The following GAN variants were observed in gnomAD, a reference collection of about 807,000 sequenced individuals.
GAN encodes the protein epididymis secretory sperm binding protein.
A neutral mutation model predicts 71.3 loss-of-function variants in GAN; 48 were observed. The ratio of observed to expected loss-of-function variants is 0.67; its 90% confidence interval spans 0.53 to 0.86. GAN has a LOEUF of 0.86. Among genes scored for constraint, GAN ranks in the 40% least tolerant of loss-of-function variants. The pLI, the probability that GAN is intolerant of heterozygous loss-of-function variation, is 0.00. For synonymous variants in GAN, 386 were observed against 276.8 expected (o/e 1.39, Z -3.92); for missense variants, 928 against 770.1 (o/e 1.21, Z -2.43).
chr16:81,330,592 A>G (rs1482737102), intron 1 of GAN, among the ~76,000 whole-genome samples: 1 of 152,270 alleles, frequency 6.6e-6, no homozygotes, highest in East Asian at 1.9e-4. Flanking sequence ...AAGAATTTCA[A>G]TTCGTATATG....
At position 81,379,008 on chromosome 16, in the gene GAN, G is replaced by A. The variant is rs902380059; in HGVS notation, c.*1412G>A. The A allele has an allele frequency of 4.0e-5, 6 of 151,390 alleles. No homozygotes were observed. The allele number at this position is 151,390 out of a possible 1,614,324, so 9.4% of individuals were successfully genotyped here. A position where few individuals can be genotyped will look rare whatever the true frequency, so the allele number is the denominator to read the frequency against. ...AAATTTCTAATCAATTTAATATACA[G>A]TACTTCATTTTTAATTGTTTTCTAA... is the stretch of plus-strand genomic sequence containing the variant. On this transcript the variant is annotated 3_prime_UTR_variant, in exon 11 of 11. Transcript: ENST00000648994.
At position 81,379,615 on chromosome 16, in the gene GAN, A is replaced by G. The variant is rs886052347; in HGVS notation, c.*2019A>G. Reference sequence around the variant, plus strand: ...AAGATTTTTCTTTTTACAACTAGATATTAGTTTTAGAGGAAGGAAATAGCT... The same window carrying G: ...AAGATTTTTCTTTTTACAACTAGATGTTAGTTTTAGAGGAAGGAAATAGCT... On this transcript the variant is annotated 3_prime_UTR_variant, in exon 11 of 11. Coordinates refer to ENST00000648994, the MANE Select transcript of GAN (RefSeq NM_022041.4). 7 of 152,212 alleles carry G rather than the reference A, an allele frequency of 4.6e-5. No individual in the cohort carries two copies. Among genetic ancestry groups the G allele is most frequent in the Non-Finnish European group, 7.3e-5 (5 of 68,032 alleles). The allele number at this position is 152,212 out of a possible 1,614,324, so 9.4% of individuals were successfully genotyped here. A position where few individuals can be genotyped will look rare whatever the true frequency, so the allele number is the denominator to read the frequency against.
chr16:81,330,969 G>C (rs1431038264), intron 1 of GAN, among the ~76,000 whole-genome samples: 1 of 152,176 alleles, frequency 6.6e-6, no homozygotes, highest in East Asian at 1.9e-4. Context: ...CAGGTGTGAG[G>C]CTAAAGCAGG....
Position 81,377,278 on chromosome 16 carries a change from G to T in GAN, c.1562G>T (p.Gly521Val). 6.2e-7 allele frequency: 1 copy of T among 1,611,864 alleles called. No individual in the cohort carries two copies. The highest frequency in any genetic ancestry group is 8.5e-7 in the Non-Finnish European group (1 of 1,177,976). The change falls in exon 10 of 11, where the codon GGA becomes GTA. Residue 521 changes from glycine to valine, a missense_variant. By Grantham distance (109) the Gly-to-Val change is moderately radical. Coordinates refer to ENST00000648994, the MANE Select transcript of GAN (RefSeq NM_022041.4). ...CIPASSSFVY[G>V]AVPIGASIYV... ...CCCGCCAGTTCCTCTTTTGTTTATG[G>T]AGCTGTACCTATAGGAGCCAGTATT...
intron 1 of GAN, among the ~76,000 whole-genome samples, chr16:81,345,890 C>T (rs938927558): frequency 2.0e-5 from 3 of 152,222 alleles, no homozygotes; most frequent in South Asian, 2.1e-4. Flanking sequence ...CACCTCAGAT[C>T]ATCAGACATT....
chr16:81,322,121 C>G (rs1039487766), intron 1 of GAN, among the ~76,000 whole-genome samples: 16 of 152,324 alleles, frequency 1.1e-4, no homozygotes, highest in African/African-American at 3.4e-4. Context: ...GCATTCATTT[C>G]TCTCTGGGAA....
chr16:81,369,588 G>T (rs116447651), intron 9 of GAN, among the ~76,000 whole-genome samples: 1,763 of 152,268 alleles, frequency 0.012, 36 homozygotes, highest in African/African-American at 0.04. Flanking sequence ...CATTACTCAT[G>T]GTAGATCTTT....
chr16:81,371,683 GC>G (rs1911041306), intron 9 of GAN, among the ~76,000 whole-genome samples: 1 of 152,120 alleles, frequency 6.6e-6, no homozygotes, highest in Admixed American at 6.5e-5. Context: ...GATCCTGGTT[GC>G]CCCAAGACCC....
At chr16:81,376,366 A>T (rs981285172) in intron 9 of GAN, among the ~76,000 whole-genome samples, 1 of 152,056 alleles carries the variant, frequency 6.6e-6, no homozygotes, top group Non-Finnish European at 1.5e-5. Flanking sequence ...TACGCCTGTT[A>T]TACAGCATTT....
Position 81,367,852 on chromosome 16 carries a change from C to T in GAN, c.1502+2374C>T, listed in dbSNP as rs1364233226. On this transcript the variant is annotated intron_variant, in intron 9 of 10. Coordinates refer to ENST00000648994, the MANE Select transcript of GAN (RefSeq NM_022041.4). Reference sequence around the variant, plus strand: ...ACTCAGGCGTTCTGGCCCCAGAGTCCACCTTTTCAACTACCACGCTAGATT... The same window carrying T: ...ACTCAGGCGTTCTGGCCCCAGAGTCTACCTTTTCAACTACCACGCTAGATT... 8.5e-5 allele frequency among the ~76,000 whole-genome samples: 13 copies of T among 152,272 alleles called. No individual in the cohort carries two copies. In the South Asian group the frequency reaches 2.7e-3, roughly 32 times the overall value.
At chr16:81,373,544 G>A (rs1904274428) in intron 9 of GAN, among the ~76,000 whole-genome samples, 1 of 152,184 alleles carries the variant, frequency 6.6e-6, no homozygotes, top group Non-Finnish European at 1.5e-5. Flanking sequence ...TTCTCCTAGT[G>A]TTAACATCTT....
chr16:81,347,798 A>G (rs1053563091), intron 1 of GAN, among the ~76,000 whole-genome samples: 13 of 152,104 alleles, frequency 8.5e-5, no homozygotes, highest in Non-Finnish European at 4.4e-5. Flanking sequence ...TTTCTTTCTG[A>G]AAGCTTGTAA....
chr16:81,338,055 G>C (rs1567484542), intron 1 of GAN, among the ~76,000 whole-genome samples: 1 of 152,164 alleles, frequency 6.6e-6, no homozygotes, highest in African/African-American at 2.4e-5. Flanking sequence ...AATCTCTTCT[G>C]TTTACAGATC....
At chr16:81,361,958 G>A (rs1364646786) in intron 5 of GAN, among the ~76,000 whole-genome samples, 1 of 152,208 alleles carries the variant, frequency 6.6e-6, no homozygotes, top group Non-Finnish European at 1.5e-5. Flanking sequence ...CAAAAGTGCT[G>A]AGCCACCACC....
At chr16:81,325,111 A>G (rs1449318597) in intron 1 of GAN, among the ~76,000 whole-genome samples, 1 of 152,238 alleles carries the variant, frequency 6.6e-6, no homozygotes, top group Non-Finnish European at 1.5e-5. Flanking sequence ...TCACCAACAG[A>G]TGATGTTCAT....
chr16:81,377,526 T>C lies in GAN; in HGVS notation c.1724T>C (p.Ile575Thr), dbSNP rs1904285826. The C allele has an allele frequency of 6.2e-7, 1 of 1,614,234 alleles. No homozygotes were observed. Among genetic ancestry groups the C allele is most frequent in the Non-Finnish European group, 8.5e-7 (1 of 1,180,032 alleles). The change falls in exon 11 of 11, where the codon ATT becomes ACT. Residue 575 changes from isoleucine to threonine, a missense_variant. Physicochemically the swap from Ile to Thr is moderately conservative, Grantham distance 89. Coordinates refer to ENST00000648994, the MANE Select transcript of GAN (RefSeq NM_022041.4). ...LRRTGCAALRIANCKLFRLQL... is the reference protein window; with the variant it reads ...LRRTGCAALRTANCKLFRLQL... ...CGTACAGGATGTGCAGCCTTACGCA[T>C]TGCGAATTGCAAGCTTTTCCGCCTG...
At chr16:81,359,458 C>G (rs988782149) in intron 5 of GAN, among the ~76,000 whole-genome samples, 11 of 107,334 alleles carry the variant, frequency 1.0e-4, no homozygotes, top group Non-Finnish European at 2.1e-4. Flanking sequence ...GTTTTTTTGT[C>G]ATTCAATTTT....
chr16:81,331,953 G>A (rs530848617), intron 1 of GAN, among the ~76,000 whole-genome samples: 75 of 152,034 alleles, frequency 4.9e-4, no homozygotes, highest in Admixed American at 1.2e-3. Flanking sequence ...ACCTGAGGTC[G>A]GGAGTTTGAG....
intron 1 of GAN, among the ~76,000 whole-genome samples, chr16:81,319,538 C>T (rs1366424216): frequency 1.3e-5 from 2 of 152,006 alleles, no homozygotes; most frequent in Non-Finnish European, 2.9e-5. Flanking sequence ...TATGGTGGCT[C>T]TGTACAGGTT....
Sources: gnomAD v4.1 joint callset for allele counts (sites outside exome capture counted in the v4.1 genomes callset) on GRCh38, gnomAD v4.1.1 for gene constraint, MANE v1.5 for transcripts, NCBI Gene and HGNC (gene_info 2026-07-23, HGNC 2026-07-21) for gene names.